SLC22A23: variants seen among roughly 807,000 people sequenced by gnomAD.
The protein encoded by SLC22A23 is solute carrier family 22 member 23.
A neutral mutation model predicts 61.0 loss-of-function variants in SLC22A23; 26 were observed. That is an observed-to-expected ratio of 0.43 (90% CI 0.31 to 0.59). The LOEUF (loss-of-function observed/expected upper bound fraction) is 0.59, where lower values mean the gene tolerates loss of function less well. Ranked by LOEUF, SLC22A23 falls within the 20% of genes least tolerant of loss-of-function variation. SLC22A23 has a pLI of 0.11. For synonymous variants in SLC22A23, 430 were observed against 413.9 expected (o/e 1.04, Z -0.47); for missense variants, 796 against 934.7 (o/e 0.85, Z 1.94).
intron 5 of SLC22A23, chr6:3,291,903 A>G (rs1760632322): frequency 6.6e-6 from 1 of 152,224 alleles, no homozygotes. Context: ...GTTATTGTTT[A>G]CTAAGTATGA....
intron 3 of SLC22A23, among the ~76,000 whole-genome samples, chr6:3,399,353 C>T (rs761632600): frequency 6.6e-6 from 1 of 152,156 alleles, no homozygotes; most frequent in Non-Finnish European, 1.5e-5. Flanking sequence ...TGTTTTTCCC[C>T]CAGAAGAGCC....
At chr6:3,334,895 T>G (rs572314389) in intron 3 of SLC22A23, among the ~76,000 whole-genome samples, 44 of 152,296 alleles carry the variant, frequency 2.9e-4, no homozygotes, top group Admixed American at 1.1e-3. Context: ...GTCACAGAGT[T>G]AGTTGGTAGC....
chr6:3,370,521 C>A (rs560301382), intron 3 of SLC22A23, among the ~76,000 whole-genome samples: 4 of 152,260 alleles, frequency 2.6e-5, no homozygotes, highest in Admixed American at 2.0e-4. Context: ...GCCCTTGAGG[C>A]GGTGGCCAGG....
intron 9 of SLC22A23, among the ~76,000 whole-genome samples, chr6:3,275,032 A>C (rs190900507): frequency 1.3e-5 from 2 of 152,192 alleles, no homozygotes; most frequent in African/African-American, 4.8e-5. Flanking sequence ...AGTCAAAAAC[A>C]ATTTTGGAAA....
rs1758381999 is a variant in SLC22A23 at position 3,270,103 on chromosome 6, A to G, written c.*2952T>C. On this transcript the variant is annotated 3_prime_UTR_variant, in exon 10 of 10. Transcript: ENST00000406686. Reference sequence around the variant, plus strand: ...GTGAAGAAATGTTCAGCTCCATCTCAGGTGTTCACATTTGTGCATAACTTT... The same window carrying G: ...GTGAAGAAATGTTCAGCTCCATCTCGGGTGTTCACATTTGTGCATAACTTT... The G allele has an allele frequency of 6.6e-6, 1 of 152,404 alleles. No homozygotes were observed. Among genetic ancestry groups the G allele is most frequent in the African/African-American group, 2.4e-5 (1 of 41,454 alleles). The allele number at this position is 152,404 out of a possible 1,614,324, so 9.4% of individuals were successfully genotyped here.
intron 3 of SLC22A23, among the ~76,000 whole-genome samples, chr6:3,404,276 T>G (rs561300666): frequency 6.6e-6 from 1 of 152,330 alleles, no homozygotes; most frequent in East Asian, 1.9e-4. Context: ...TATCTGTACA[T>G]TTAGGCAATA....
At chr6:3,383,738 A>G (rs1304893362) in intron 3 of SLC22A23, among the ~76,000 whole-genome samples, 2 of 152,230 alleles carry the variant, frequency 1.3e-5, no homozygotes, top group East Asian at 3.8e-4. Flanking sequence ...CAAGGTTTTC[A>G]AGGAACTGAT....
At chr6:3,348,495 T>A (rs1477497077) in intron 3 of SLC22A23, among the ~76,000 whole-genome samples, 1 of 152,238 alleles carries the variant, frequency 6.6e-6, no homozygotes, top group African/African-American at 2.4e-5. Flanking sequence ...GTCTTCTTAC[T>A]GAGTCCCATC....
In SLC22A23 at chr6:3,386,978, C is replaced by A. The variant is rs890372953; in HGVS notation, c.913+23210G>T. 2.0e-5 allele frequency among the ~76,000 whole-genome samples: 3 copies of A among 152,252 alleles called. No individual in the cohort carries two copies. The highest frequency in any genetic ancestry group is 7.2e-5 in the African/African-American group (3 of 41,470). ...AACAACCACACACAACTCTTCTCTTCCAACCTCACCCAGATTTTCACCTTT... is the reference window on the plus strand; with the variant it reads ...AACAACCACACACAACTCTTCTCTTACAACCTCACCCAGATTTTCACCTTT... On this transcript the variant is annotated intron_variant, in intron 3 of 9. Transcript: ENST00000406686. This position sits in a 1 kb window ranked among gnomAD's most constrained non-coding sequence, Gnocchi z 4.4.
At chr6:3,420,246 A>C (rs1210725845) in intron 1 of SLC22A23, among the ~76,000 whole-genome samples, 5 of 152,062 alleles carry the variant, frequency 3.3e-5, no homozygotes, top group Admixed American at 6.5e-5. Context: ...AAAAAAAAAA[A>C]AACCAAAAAC....
At chr6:3,381,679 G>T (rs1233402875) in intron 3 of SLC22A23, among the ~76,000 whole-genome samples, 3 of 152,176 alleles carry the variant, frequency 2.0e-5, no homozygotes, top group Non-Finnish European at 4.4e-5. Flanking sequence ...CTGTGCGAGG[G>T]GGACAGTAGT....
chr6:3,322,626 G>C lies in SLC22A23; in HGVS notation c.1082+1208C>G, dbSNP rs73354736. On this transcript the variant is annotated intron_variant, in intron 4 of 9. Coordinates refer to ENST00000406686, the MANE Select transcript of SLC22A23 (RefSeq NM_015482.2). The surrounding 1 kb of genome is among the most constrained non-coding windows in gnomAD (Gnocchi z 4.1). ...CTATTGCTGGCCCCCTGCTGCTGCCGAGGTCCTCATAACACAGTGAGCAAG... is the reference window on the plus strand; with the variant it reads ...CTATTGCTGGCCCCCTGCTGCTGCCCAGGTCCTCATAACACAGTGAGCAAG... Among the ~76,000 whole-genome samples, 364 of 152,218 alleles carry C rather than the reference G, an allele frequency of 2.4e-3. 1 individual carries two copies. The highest frequency in any genetic ancestry group is 8.3e-3 in the African/African-American group (346 of 41,522).
In SLC22A23 at chr6:3,283,962, G is replaced by A. The variant is rs575503212; in HGVS notation, c.1593C>T (p.Ser531=). ...SQHPDSGMSD[S]VKDKFSIAFS... is the part of the protein sequence containing the mutation. ...ACGCGATGGAAAATTTGTCCTTGAC[G>A]CTGTCACTCATCCCTGGGGGAAGGT... Residue 531 remains serine (S), a synonymous_variant, in exon 9 of 10, where the codon AGC becomes AGT. Transcript: ENST00000406686. 6.8e-6 allele frequency: 11 copies of A among 1,605,944 alleles called. No homozygotes were observed. Among genetic ancestry groups the A allele is most frequent in the East Asian group, 6.7e-5 (3 of 44,586 alleles).
At chr6:3,332,940 G>A (rs901166468) in intron 3 of SLC22A23, among the ~76,000 whole-genome samples, 1 of 152,118 alleles carries the variant, frequency 6.6e-6, no homozygotes, top group Non-Finnish European at 1.5e-5. Flanking sequence ...TCATGCCCTG[G>A]TTTAATCTCT....
chr6:3,278,924 A>T (rs1176851448), intron 9 of SLC22A23, among the ~76,000 whole-genome samples: 2 of 152,178 alleles, frequency 1.3e-5, no homozygotes, highest in Non-Finnish European at 2.9e-5. Flanking sequence ...CACGGGAGTC[A>T]CATACAGGAG....
At chr6:3,346,815 TG>T (rs1243313237) in intron 3 of SLC22A23, among the ~76,000 whole-genome samples, 3 of 152,174 alleles carry the variant, frequency 2.0e-5, no homozygotes, top group Admixed American at 2.0e-4. Context: ...ACACCCAGGA[TG>T]AATTCTAACC....
chr6:3,340,624 A>G (rs1212246592), intron 3 of SLC22A23, among the ~76,000 whole-genome samples: 1 of 152,172 alleles, frequency 6.6e-6, no homozygotes, highest in African/African-American at 2.4e-5. Flanking sequence ...AAGGCCAAAA[A>G]CGATTTTCAA....
chr6:3,418,324 G>C (rs1344952647), intron 1 of SLC22A23, among the ~76,000 whole-genome samples: 1 of 152,224 alleles, frequency 6.6e-6, no homozygotes, highest in African/African-American at 2.4e-5. Flanking sequence ...GGATGCAAAT[G>C]AGTATATTAT....
intron 1 of SLC22A23, among the ~76,000 whole-genome samples, chr6:3,437,621 G>A (rs754266674): frequency 2.0e-5 from 3 of 151,728 alleles, no homozygotes; most frequent in African/African-American, 2.4e-5. Flanking sequence ...CCCAGGAGGC[G>A]GAGCTTGCAG....
Sources: allele counts gnomAD v4.1 joint callset (sites outside exome capture counted in the v4.1 genomes callset), GRCh38; gene constraint gnomAD v4.1.1; non-coding constraint Gnocchi (gnomAD v3.1); transcripts MANE v1.5; gene names NCBI Gene and HGNC (gene_info 2026-07-23, HGNC 2026-07-21).